Variants in RUNX3 observed in about 807,000 individuals in gnomAD.
RUNX3 encodes runt-related transcription factor 3.
Under a neutral mutation model 27.7 loss-of-function variants are expected in RUNX3, and 10 were observed. The ratio of observed to expected loss-of-function variants is 0.36; its 90% confidence interval spans 0.22 to 0.61. The LOEUF (loss-of-function observed/expected upper bound fraction) is 0.61, where lower values mean the gene tolerates loss of function less well. Ranked by LOEUF, RUNX3 falls within the 20% of genes least tolerant of loss-of-function variation. The probability of loss-of-function intolerance (pLI) is 0.72; values close to 1 mark genes in which losing one functional copy is unlikely to be tolerated. For synonymous variants in RUNX3, 270 were observed against 269.2 expected (o/e 1.00, Z -0.03); for missense variants, 469 against 629.5 (o/e 0.75, Z 2.73).
intron 2 of RUNX3, among the ~76,000 whole-genome samples, chr1:24,919,744 GA>G (rs554562839): frequency 2.4e-4 from 36 of 149,890 alleles, no homozygotes; most frequent in African/African-American, 6.5e-4. Context: ...AAATAAAGAA[GA>G]AAAGACACCC....
intron 2 of RUNX3, among the ~76,000 whole-genome samples, chr1:24,924,259 C>T (rs1312379555): frequency 2.0e-5 from 3 of 152,194 alleles, no homozygotes; most frequent in African/African-American, 7.2e-5. Context: ...TGCCTATAGT[C>T]CCAGCTATTG....
rs760158080 is a variant in RUNX3 at position 24,902,197 on chromosome 1, G to A, written c.1173C>T (p.Asp391=). 2.7e-5 allele frequency: 43 copies of A among 1,569,508 alleles called. No homozygotes were observed. The highest frequency in any genetic ancestry group is 4.0e-5 in the African/African-American group (3 of 74,370). ...LGGQSDGVEA[D]GSHSNSPTAL... is the part of the protein sequence containing the mutation. ...CCGTGGGTGAGTTGCTGTGGCTGCC[G>A]TCGGCCTCCACGCCATCACTCTGGC... The change falls in exon 5 of 5, where the codon GAC becomes GAT. Residue 391 remains aspartate (D), a synonymous_variant. Coordinates refer to ENST00000308873, the MANE Select transcript of RUNX3 (RefSeq NM_004350.3). This position sits in a 1 kb window ranked among gnomAD's most constrained non-coding sequence, Gnocchi z 9.2.
At chr1:24,907,176 C>A (rs1640680052) in intron 4 of RUNX3, 83 bp downstream of exon 4, 4 of 1,427,294 alleles carry the variant, frequency 2.8e-6, no homozygotes, top group South Asian at 2.6e-5. Context: ...TTCGGACAGG[C>A]TTTTGGTCTG....
chr1:24,930,188 C>T lies in RUNX3; in HGVS notation c.-320G>A, dbSNP rs1390859572. On this transcript the variant is annotated 5_prime_UTR_variant, in exon 1 of 5. Coordinates refer to ENST00000308873, the MANE Select transcript of RUNX3 (RefSeq NM_004350.3). This position sits in a 1 kb window ranked among gnomAD's most constrained non-coding sequence, Gnocchi z 4.1. The stretch of plus-strand genomic sequence containing the variant: ...GCGGGGCCCGCGCGGGGCTGTGCCG[C>T]TGCCGCCGCCTCCCGCCCCGAAGCT... 1 of 979,332 alleles carries T rather than the reference C, an allele frequency of 1.0e-6. No homozygotes were observed. The highest frequency in any genetic ancestry group is 1.2e-6 in the Non-Finnish European group (1 of 827,196). 60.7% of individuals were successfully genotyped at this position (979,332 alleles called of 1,614,324 possible).
At chr1:24,959,864 G>T (rs1211747233) in intron 2 of RUNX3, among the ~76,000 whole-genome samples, 4 of 152,074 alleles carry the variant, frequency 2.6e-5, no homozygotes, top group Admixed American at 2.0e-4. Context: ...CTGCTAGGGG[G>T]ACCTCGGCCA....
chr1:24,934,696 AG>A (rs1429403527), upstream of RUNX3, among the ~76,000 whole-genome samples: 2 of 152,194 alleles, frequency 1.3e-5, no homozygotes, highest in African/African-American at 4.8e-5. Context: ...AGAGAGGGCC[AG>A]ACCCGGGTTA....
At chr1:24,930,482 C>A (rs891179740), upstream of RUNX3, among the ~76,000 whole-genome samples, 7 of 152,036 alleles carry the variant, frequency 4.6e-5, 1 homozygote, top group South Asian at 8.3e-4. The surrounding 1 kb of genome is among the most constrained non-coding windows in gnomAD (Gnocchi z 4.1). Flanking sequence ...GTGCCACAGC[C>A]CAGGGCCCCC....
intron 3 of RUNX3, among the ~76,000 whole-genome samples, chr1:24,913,440 G>C (rs907962170): frequency 3.9e-5 from 6 of 152,236 alleles, no homozygotes; most frequent in Non-Finnish European, 8.8e-5. Context: ...CTGCAAAATG[G>C]GGATCACACC....
At chr1:24,935,653 G>T (rs898494688) in intron 2 of RUNX3, among the ~76,000 whole-genome samples, 5 of 152,216 alleles carry the variant, frequency 3.3e-5, no homozygotes, top group Non-Finnish European at 5.9e-5. Flanking sequence ...CACCCTCCCT[G>T]CTACTCGCTC....
At chr1:24,951,341 C>A (rs1641761369) in intron 2 of RUNX3, among the ~76,000 whole-genome samples, 1 of 152,186 alleles carries the variant, frequency 6.6e-6, no homozygotes, top group Non-Finnish European at 1.5e-5. Flanking sequence ...TTGGCCCTGT[C>A]CCTCTCTCTC....
At chr1:24,942,946 C>G (rs72876135) in intron 2 of RUNX3, among the ~76,000 whole-genome samples, 12,081 of 152,314 alleles carry the variant, frequency 0.079, 875 homozygotes, top group African/African-American at 0.19. Flanking sequence ...CCGTGGGCAC[C>G]GCTCCTGAGA....
At position 24,916,450 on chromosome 1, in the gene RUNX3, G is replaced by A. The variant is rs556849795; in HGVS notation, c.544+2790C>T. Among the ~76,000 whole-genome samples the A allele has an allele frequency of 3.2e-4, 49 of 152,292 alleles. No individual in the cohort carries two copies. The highest frequency in any genetic ancestry group is 3.4e-3 in the Middle Eastern group (1 of 294). ...AGTCACCTTGGGCAAAAGGTTTTGC[G>A]CCCTGGCCTCTATCCTCTCCTGGGG... On this transcript the variant is annotated intron_variant, in intron 3 of 4. Transcript: ENST00000308873. The surrounding 1 kb of genome is among the most constrained non-coding windows in gnomAD (Gnocchi z 4.8).
chr1:24,922,261 T>A (rs1489605668), intron 2 of RUNX3, among the ~76,000 whole-genome samples: 1 of 151,544 alleles, frequency 6.6e-6, no homozygotes, highest in African/African-American at 2.4e-5. Context: ...GCTCAAGTGA[T>A]CCTCCTGCCT....
chr1:24,955,727 C>A lies in RUNX3; in HGVS notation c.58+8787G>T, dbSNP rs1465166910. On this transcript the variant is annotated intron_variant, in intron 2 of 6. Coordinates refer to the RUNX3 transcript ENST00000338888. ...CCTCTCTGAGTGTCAGTTTCCCCATCTATAAATGGAAAGCTGGGACACTGA... is the reference window on the plus strand; with the variant it reads ...CCTCTCTGAGTGTCAGTTTCCCCATATATAAATGGAAAGCTGGGACACTGA... 4.6e-5 allele frequency among the ~76,000 whole-genome samples: 7 copies of A among 152,168 alleles called. No individual in the cohort carries two copies. The East Asian group carries it at 1.3e-3, about 29-fold the overall frequency.
At position 24,962,358 on chromosome 1, in the gene RUNX3, G is replaced by A. The variant is rs1642136533; in HGVS notation, c.58+2156C>T. On this transcript the variant is annotated intron_variant, in intron 2 of 6. Coordinates refer to the RUNX3 transcript ENST00000338888. This position sits in a 1 kb window ranked among gnomAD's most constrained non-coding sequence, Gnocchi z 4.5. Reference sequence around the variant, plus strand: ...ACGCGTTTAAAAACGCAACTCCGAGGAGGAACCTGAAGGTTCCCTGAGACT... The same window carrying A: ...ACGCGTTTAAAAACGCAACTCCGAGAAGGAACCTGAAGGTTCCCTGAGACT... 6.6e-6 allele frequency: 1 copy of A among 152,224 alleles called. No individual in the cohort carries two copies. The highest frequency in any genetic ancestry group is 1.5e-5 in the Non-Finnish European group (1 of 68,038). 9.4% of individuals were successfully genotyped at this position (152,224 alleles called of 1,614,324 possible).
chr1:24,941,902 G>T (rs868062384), intron 2 of RUNX3, among the ~76,000 whole-genome samples: 1 of 152,226 alleles, frequency 6.6e-6, no homozygotes, highest in Non-Finnish European at 1.5e-5. Context: ...CAGACACTGG[G>T]CACTCTGTCA....
chr1:24,938,334 C>T (rs1167396409), intron 2 of RUNX3, among the ~76,000 whole-genome samples: 2 of 152,200 alleles, frequency 1.3e-5, no homozygotes. Context: ...CAGGTCTGTT[C>T]ATTTCCGCAT....
intron 2 of RUNX3, among the ~76,000 whole-genome samples, chr1:24,920,185 TGA>T (rs1640970924): frequency 6.6e-6 from 1 of 152,052 alleles, no homozygotes; most frequent in Admixed American, 6.5e-5. Flanking sequence ...TCAAAATTCC[TGA>T]GAGGGGAAAA....
At chr1:24,928,779 G>A in intron 1 of RUNX3, 2 of 266,240 alleles carry the variant, frequency 7.5e-6, no homozygotes, top group Non-Finnish European at 7.5e-6. Flanking sequence ...CCCATTTAGA[G>A]TCGTCTTAAT....
Sources: gnomAD v4.1 joint callset for allele counts (sites outside exome capture counted in the v4.1 genomes callset) on GRCh38, gnomAD v4.1.1 for gene constraint, Gnocchi (gnomAD v3.1) non-coding constraint, MANE v1.5 for transcripts, NCBI Gene and HGNC (gene_info 2026-07-23, HGNC 2026-07-21) for gene names.